The following PPM1L variants were observed in gnomAD, a reference collection of about 807,000 sequenced individuals.
PPM1L encodes protein phosphatase 1L.
In PPM1L, 13 loss-of-function variants were observed where a neutral mutation model predicts 31.4. The observed-to-expected ratio is 0.41, with a 90% CI of 0.27 to 0.66. The LOEUF (loss-of-function observed/expected upper bound fraction) is 0.66, where lower values mean the gene tolerates loss of function less well. Ranked by LOEUF, PPM1L falls within the 30% of genes least tolerant of loss-of-function variation. The pLI, the probability that PPM1L is intolerant of heterozygous loss-of-function variation, is 0.29. For missense variants in PPM1L, 326 were observed against 453.7 expected (o/e 0.72, Z 2.56); for synonymous variants, 184 against 175.4 (o/e 1.05, Z -0.39).
At chr3:161,065,659 C>A in intron 3 of PPM1L, 95 bp downstream of exon 3, 1 of 1,189,062 alleles carries the variant, frequency 8.4e-7, no homozygotes, top group Non-Finnish European at 1.2e-6. Context: ...TCCAGTTATG[C>A]AGTATTAGAG....
At chr3:161,038,585 TAA>T (rs35502476) in intron 2 of PPM1L, among the ~76,000 whole-genome samples, 25,577 of 109,590 alleles carry the variant, frequency 0.23, 2,943 homozygotes, top group East Asian at 0.41. Context: ...GGATTTGTTT[TAA>T]AAAAAAAAAA....
intron 1 of PPM1L, among the ~76,000 whole-genome samples, chr3:160,894,574 C>G (rs948101518): frequency 6.6e-6 from 1 of 152,072 alleles, no homozygotes; most frequent in Non-Finnish European, 1.5e-5. Flanking sequence ...TTTTCAGAGG[C>G]CTGGAAAGGT....
At chr3:161,065,673 C>T in intron 3 of PPM1L, 109 bp downstream of exon 3, 1 of 943,362 alleles carries the variant, frequency 1.1e-6, no homozygotes, top group South Asian at 1.8e-5. Context: ...ATTAGAGAGG[C>T]TGCTACTGAG....
chr3:160,792,179 A>G (rs1357869032), intron 1 of PPM1L, among the ~76,000 whole-genome samples: 3 of 152,196 alleles, frequency 2.0e-5, no homozygotes, highest in Non-Finnish European at 4.4e-5. Context: ...AGGCTAAGAC[A>G]CGTAACTAAT....
intron 1 of PPM1L, among the ~76,000 whole-genome samples, chr3:160,911,376 A>G (rs1046028846): frequency 4.6e-5 from 7 of 152,194 alleles, no homozygotes; most frequent in Admixed American, 4.6e-4. Flanking sequence ...GCTGTCTAGC[A>G]CTGCCATAGG....
At chr3:161,064,601 G>A (rs1158970000) in intron 2 of PPM1L, among the ~76,000 whole-genome samples, 1 of 152,112 alleles carries the variant, frequency 6.6e-6, no homozygotes. Flanking sequence ...AAAGGAAGAG[G>A]TGAACAGAAA....
Position 161,069,212 on chromosome 3 carries a change from C to G in PPM1L, c.*55C>G, listed in dbSNP as rs148763197. The G allele has an allele frequency of 1.4e-4, 187 of 1,303,732 alleles. 1 individual carries two copies. The East Asian group carries it at 4.5e-3, about 31-fold the overall frequency. The allele number at this position is 1,303,732 out of a possible 1,614,324, so 80.8% of individuals were successfully genotyped here. A position where few individuals can be genotyped will look rare whatever the true frequency, so the allele number is the denominator to read the frequency against. On this transcript the variant is annotated 3_prime_UTR_variant, in exon 4 of 4. Coordinates refer to ENST00000498165, the MANE Select transcript of PPM1L (RefSeq NM_139245.4). Reference sequence around the variant, plus strand: ...TAAAGGACTTTCAACACACTGGTCTCTTTTAATTTAGTGAAAAGTGTGGGA... The same window carrying G: ...TAAAGGACTTTCAACACACTGGTCTGTTTTAATTTAGTGAAAAGTGTGGGA...
At chr3:161,051,124 C>T (rs9839984) in intron 2 of PPM1L, among the ~76,000 whole-genome samples, 67,003 of 151,924 alleles carry the variant, frequency 0.44, 15,957 homozygotes, top group East Asian at 0.7. Flanking sequence ...CCGCCATCTC[C>T]TCAGACTGAG....
At chr3:160,974,377 G>A (rs1287448093) in intron 2 of PPM1L, among the ~76,000 whole-genome samples, 2 of 152,066 alleles carry the variant, frequency 1.3e-5, no homozygotes, top group East Asian at 1.9e-4. Context: ...AGTTGTGTGG[G>A]TGTATATCCA....
intron 1 of PPM1L, among the ~76,000 whole-genome samples, chr3:160,847,563 A>G (rs1306014387): frequency 6.6e-6 from 1 of 152,166 alleles, no homozygotes; most frequent in Non-Finnish European, 1.5e-5. Flanking sequence ...CCTTCCTAGT[A>G]CATATTTTCT....
At chr3:161,046,071 A>G (rs2108093403) in intron 2 of PPM1L, among the ~76,000 whole-genome samples, 1 of 137,276 alleles carries the variant, frequency 7.3e-6, no homozygotes, top group South Asian at 2.4e-4. Flanking sequence ...AGATCATGCC[A>G]CTGCACTCCA....
At chr3:160,910,265 C>CTTCCCA in intron 1 of PPM1L, among the ~76,000 whole-genome samples, 1 of 76,746 alleles carries the variant, frequency 1.3e-5, no homozygotes, top group South Asian at 5.7e-4. Context: ...CCCCTTTCCC[C>CTTCCCA]TTCCCCTTCC....
intron 1 of PPM1L, among the ~76,000 whole-genome samples, chr3:160,860,762 C>A (rs1000323332): frequency 6.6e-6 from 1 of 152,144 alleles, no homozygotes; most frequent in African/African-American, 2.4e-5. Flanking sequence ...GCTGGCAGAT[C>A]TGGTGTCTGA....
intron 1 of PPM1L, among the ~76,000 whole-genome samples, chr3:160,814,790 T>C (rs896543021): frequency 2.6e-5 from 4 of 151,626 alleles, no homozygotes; most frequent in African/African-American, 9.7e-5. Flanking sequence ...CATAATGGTA[T>C]ATAAACACAT....
intron 1 of PPM1L, among the ~76,000 whole-genome samples, chr3:160,849,015 G>A (rs1021036372): frequency 6.6e-6 from 1 of 152,148 alleles, no homozygotes. Flanking sequence ...ACCGCAGGGT[G>A]GAGAGTGCAT....
intron 1 of PPM1L, among the ~76,000 whole-genome samples, chr3:160,902,571 C>T (rs1576701545): frequency 6.6e-6 from 1 of 152,266 alleles, no homozygotes; most frequent in Non-Finnish European, 1.5e-5. Context: ...TTTTAACATA[C>T]ATATGAGCTG....
intron 2 of PPM1L, among the ~76,000 whole-genome samples, chr3:160,992,456 T>G (rs763091047): frequency 6.6e-6 from 1 of 152,130 alleles, no homozygotes; most frequent in Non-Finnish European, 1.5e-5. Flanking sequence ...GAAATTCAAT[T>G]CAAACTAGCT....
At chr3:160,843,428 A>T (rs1315435816) in intron 1 of PPM1L, among the ~76,000 whole-genome samples, 2 of 39,128 alleles carry the variant, frequency 5.1e-5, no homozygotes, top group African/African-American at 2.5e-4. Flanking sequence ...CAATTCTTTT[A>T]TATATATATA....
intron 3 of PPM1L, among the ~76,000 whole-genome samples, chr3:161,068,426 T>C (rs1374868445): frequency 1.3e-5 from 2 of 152,226 alleles, no homozygotes; most frequent in East Asian, 1.9e-4. Flanking sequence ...CCAAATGATA[T>C]ATACGGTGCC....
Sources: gnomAD v4.1 joint callset for allele counts (sites outside exome capture counted in the v4.1 genomes callset) on GRCh38, gnomAD v4.1.1 for gene constraint, MANE v1.5 for transcripts, NCBI Gene and HGNC (gene_info 2026-07-23, HGNC 2026-07-21) for gene names.